Variants in INPP4B observed in about 807,000 individuals in gnomAD.
INPP4B encodes the protein inositol polyphosphate-4-phosphatase type II B, also known as inositol polyphosphate 4-phosphatase type II.
In INPP4B, 55 loss-of-function variants were observed where a neutral mutation model predicts 122.5. The ratio of observed to expected loss-of-function variants is 0.45; its 90% CI spans 0.36 to 0.56. The LOEUF (loss-of-function observed/expected upper bound fraction) is 0.56. INPP4B is among the 20% of genes least tolerant of loss of function. The probability of loss-of-function intolerance (pLI) is 0.00; values close to 1 mark genes in which losing one functional copy is unlikely to be tolerated. For missense variants in INPP4B, 1,000 were observed against 1,097.7 expected (o/e 0.91, Z 1.26); for synonymous variants, 403 against 388.7 (o/e 1.04, Z -0.43).
chr4:142,161,678 G>A (rs78291498), intron 16 of INPP4B, among the ~76,000 whole-genome samples: 44 of 151,836 alleles, frequency 2.9e-4, no homozygotes, highest in Non-Finnish European at 4.4e-4. Flanking sequence ...AAATCTTCTC[G>A]TTGACAGCAT....
intron 25 of INPP4B, among the ~76,000 whole-genome samples, chr4:142,041,624 A>AC (rs201189242): frequency 0.02 from 2,987 of 151,904 alleles, 103 homozygotes; most frequent in African/African-American, 0.069. Context: ...ATCTCAAATA[A>AC]TACTACTACT....
intron 1 of INPP4B, among the ~76,000 whole-genome samples, chr4:142,805,237 C>T (rs984600826): frequency 2.6e-5 from 4 of 152,038 alleles, no homozygotes; most frequent in African/African-American, 7.3e-5. Context: ...ATTCTTAGTA[C>T]GTAAACACTG....
chr4:142,314,726 G>T lies in INPP4B; in HGVS notation c.409C>A (p.Pro137Thr). The T allele has an allele frequency of 1.2e-6, 2 of 1,601,368 alleles. No individual in the cohort carries two copies. The highest frequency in any genetic ancestry group is 1.7e-6 in the Non-Finnish European group (2 of 1,175,270). ...GAAACACTTACCCCAACTTCTGGCGGGGGATCCTTATGTTCTGGTAGGACA... is the reference window on the plus strand; with the variant it reads ...GAAACACTTACCCCAACTTCTGGCGTGGGATCCTTATGTTCTGGTAGGACA... ...TSVLPEHKDP[P>T]PEVGRSFLGY... Residue 137 changes from proline (P) to threonine (T), a missense_variant, in exon 8 of 26, where the codon CCG (proline) becomes ACG (threonine). Pro to Thr is a conservative substitution (Grantham distance 38, BLOSUM62 -1). Transcript: ENST00000262992.
chr4:142,139,207 T>A (rs973109855), intron 18 of INPP4B, among the ~76,000 whole-genome samples: 1 of 152,206 alleles, frequency 6.6e-6, no homozygotes, highest in Non-Finnish European at 1.5e-5. Context: ...CTTCTTTCTT[T>A]TCCAACCAAT....
intron 1 of INPP4B, among the ~76,000 whole-genome samples, chr4:142,754,344 C>G (rs184968894): frequency 2.0e-3 from 301 of 152,056 alleles, no homozygotes; most frequent in African/African-American, 6.8e-3. Context: ...CAAGTAATGA[C>G]AAGCAACAAA....
At chr4:142,794,534 A>G (rs1406535426) in intron 1 of INPP4B, among the ~76,000 whole-genome samples, 1 of 152,006 alleles carries the variant, frequency 6.6e-6, no homozygotes, top group Non-Finnish European at 1.5e-5. Flanking sequence ...TTTTAAAAAA[A>G]CAAGAGAACA....
rs114376596 is a variant in INPP4B, at chr4:142,581,671, C to G, written c.-190-118945G>C. The stretch of plus-strand genomic sequence containing the variant: ...TTTCTATTAGAAATAGATAGAAGTT[C>G]TATTCTTTCTATTATCATTATTTCC... On this transcript the variant is annotated intron_variant, in intron 2 of 25. Coordinates refer to ENST00000262992, the MANE Select transcript of INPP4B (RefSeq NM_001101669.3). Among the ~76,000 whole-genome samples, 1,227 of 151,334 alleles carry G rather than the reference C, an allele frequency of 8.1e-3. 18 individuals are homozygous for G. The highest frequency in any genetic ancestry group is 0.028 in the African/African-American group (1,134 of 41,196).
intron 1 of INPP4B, among the ~76,000 whole-genome samples, chr4:142,769,286 C>A (rs1437209705): frequency 2.0e-5 from 3 of 152,130 alleles, no homozygotes; most frequent in Non-Finnish European, 2.9e-5. Flanking sequence ...AGCTGCTCTA[C>A]TTGTGTCCAT....
intron 1 of INPP4B, among the ~76,000 whole-genome samples, chr4:142,845,231 C>A (rs184390055): frequency 6.6e-6 from 1 of 152,260 alleles, no homozygotes; most frequent in Admixed American, 6.5e-5. Context: ...CCCTCTCCAC[C>A]GACTCCCCAG....
rs1449232642 is a variant in INPP4B, at chr4:142,305,744, A to G, written c.424-207T>C. The G allele has an allele frequency of 2.1e-6, 3 of 1,395,784 alleles. 1 individual carries two copies. Among genetic ancestry groups the G allele is most frequent in the South Asian group, 2.7e-5 (2 of 73,006 alleles). 86.5% of individuals were successfully genotyped at this position (1,395,784 alleles called of 1,614,324 possible). A position where few individuals can be genotyped will look rare whatever the true frequency, so the allele number is the denominator to read the frequency against. On this transcript the variant is annotated intron_variant, in intron 8 of 25. Coordinates refer to ENST00000262992, the MANE Select transcript of INPP4B (RefSeq NM_001101669.3). Reference sequence around the variant, plus strand: ...GGGTGAAAATGTATCATTTTCCCTAAAAGAAAAGAGACCAACAGGCTAGAA... The same window carrying G: ...GGGTGAAAATGTATCATTTTCCCTAGAAGAAAAGAGACCAACAGGCTAGAA...
chr4:142,387,916 G>A (rs369526085), intron 7 of INPP4B, among the ~76,000 whole-genome samples: 3 of 152,106 alleles, frequency 2.0e-5, no homozygotes, highest in East Asian at 1.9e-4. Flanking sequence ...TTGTAACCAC[G>A]TGGCAGTACT....
At chr4:142,060,424 C>T (rs1312594541) in intron 25 of INPP4B, among the ~76,000 whole-genome samples, 2 of 152,104 alleles carry the variant, frequency 1.3e-5, no homozygotes, top group African/African-American at 4.8e-5. Flanking sequence ...CAATATATAC[C>T]ACAAAGGACT....
intron 2 of INPP4B, among the ~76,000 whole-genome samples, chr4:142,467,656 G>A (rs1818047339): frequency 6.6e-6 from 1 of 152,088 alleles, no homozygotes; most frequent in Non-Finnish European, 1.5e-5. Flanking sequence ...TAAGACTTTG[G>A]AGGACTATTG....
intron 2 of INPP4B, among the ~76,000 whole-genome samples, chr4:142,709,143 C>T (rs1204522231): frequency 1.3e-5 from 2 of 152,160 alleles, no homozygotes; most frequent in Non-Finnish European, 1.5e-5. Flanking sequence ...TTTGTTTTGG[C>T]TGATTTCTTC....
intron 7 of INPP4B, among the ~76,000 whole-genome samples, chr4:142,339,315 T>A (rs1446507353): frequency 6.6e-6 from 1 of 152,226 alleles, no homozygotes; most frequent in Non-Finnish European, 1.5e-5. Context: ...CATGCTTGTG[T>A]GCAAAAGGAG....
At chr4:142,576,855 G>A (rs1293841055) in intron 2 of INPP4B, among the ~76,000 whole-genome samples, 2 of 151,942 alleles carry the variant, frequency 1.3e-5, no homozygotes, top group Non-Finnish European at 2.9e-5. Flanking sequence ...ATTTTCCACG[G>A]TAAGGTTTAT....
intron 9 of INPP4B, among the ~76,000 whole-genome samples, chr4:142,302,841 T>G (rs979457863): frequency 1.3e-5 from 2 of 152,098 alleles, no homozygotes; most frequent in African/African-American, 4.8e-5. Flanking sequence ...AAATGCACAG[T>G]AGTGAAACAG....
rs140616349 is a variant in INPP4B, at chr4:142,223,297, G to A, written c.837-14271C>T. On this transcript the variant is annotated intron_variant, in intron 12 of 25. Coordinates refer to ENST00000262992, the MANE Select transcript of INPP4B (RefSeq NM_001101669.3). ...GTAGCTCTGCCAGACAAATGATAGT[G>A]GTATAATCAAAAAATAAAATAAAAA... 4.9e-3 allele frequency among the ~76,000 whole-genome samples: 741 copies of A among 151,678 alleles called. 9 individuals carry two copies. The highest frequency in any genetic ancestry group is 0.017 in the African/African-American group (707 of 41,356).
chr4:142,739,058 G>A (rs1561016170), intron 1 of INPP4B, among the ~76,000 whole-genome samples: 1 of 151,960 alleles, frequency 6.6e-6, no homozygotes, highest in Non-Finnish European at 1.5e-5. Flanking sequence ...CATCAACAAT[G>A]TCCAAAACCA....
Sources: allele counts gnomAD v4.1 joint callset (sites outside exome capture counted in the v4.1 genomes callset), GRCh38; gene constraint gnomAD v4.1.1; transcripts MANE v1.5; gene names NCBI Gene and HGNC (gene_info 2026-07-23, HGNC 2026-07-21).